The following KHDRBS2 variants were observed in gnomAD, a reference collection of about 807,000 sequenced individuals.
KHDRBS2 encodes the protein KH domain-containing, RNA-binding, signal transduction-associated protein 2.
KHDRBS2 carries 26 observed loss-of-function variants against 44.3 expected under a neutral mutation model. The ratio of observed to expected loss-of-function variants is 0.59; its 90% CI spans 0.43 to 0.81. KHDRBS2 has a LOEUF of 0.81. KHDRBS2 is among the 40% of genes least tolerant of loss of function. KHDRBS2 has a pLI of 0.00. For synonymous variants in KHDRBS2, 194 were observed against 151.1 expected (o/e 1.28, Z -2.08); for missense variants, 476 against 433.1 (o/e 1.10, Z -0.88).
intron 6 of KHDRBS2, among the ~76,000 whole-genome samples, chr6:61,750,121 G>C (rs1255261886): frequency 6.6e-6 from 1 of 152,116 alleles, no homozygotes; most frequent in Non-Finnish European, 1.5e-5. Flanking sequence ...AAAAGCCACA[G>C]CACCAACAAG....
At chr6:62,161,188 G>A (rs1817543235) in intron 2 of KHDRBS2, among the ~76,000 whole-genome samples, 1 of 151,822 alleles carries the variant, frequency 6.6e-6, no homozygotes, top group Non-Finnish European at 1.5e-5. Context: ...TATAATGTGA[G>A]TCTCTTATAA....
chr6:61,757,375 T>C (rs976746628), intron 6 of KHDRBS2, among the ~76,000 whole-genome samples: 2 of 152,200 alleles, frequency 1.3e-5, no homozygotes, highest in African/African-American at 4.8e-5. Context: ...GTTCCAGTTT[T>C]GTCACATACT....
At chr6:61,786,758 T>A (rs1210635925) in intron 6 of KHDRBS2, among the ~76,000 whole-genome samples, 1 of 151,864 alleles carries the variant, frequency 6.6e-6, no homozygotes, top group African/African-American at 2.4e-5. Context: ...TTTTAGTTGG[T>A]TCAAGGAGCA....
At chr6:61,608,929 T>C in the KHDRBS2 span, among the ~76,000 whole-genome samples, 1 of 152,202 alleles carries the variant, frequency 6.6e-6, no homozygotes, top group Non-Finnish European at 1.5e-5. Context: ...AGTAGAATGA[T>C]TTATAATCCT....
intron 4 of KHDRBS2, among the ~76,000 whole-genome samples, chr6:61,962,961 A>G (rs1309462444): frequency 6.6e-6 from 1 of 152,096 alleles, no homozygotes; most frequent in Non-Finnish European, 1.5e-5. Flanking sequence ...GTATGATTAA[A>G]AGGAAATGAG....
intron 2 of KHDRBS2, among the ~76,000 whole-genome samples, chr6:62,049,950 A>G: frequency 6.6e-6 from 1 of 152,084 alleles, no homozygotes; most frequent in South Asian, 2.1e-4. Context: ...GTATATACCC[A>G]AAGATCTACA....
chr6:61,652,261 T>C, the KHDRBS2 span: 1 of 152,090 alleles, frequency 6.6e-6, no homozygotes, highest in African/African-American at 2.4e-5. Flanking sequence ...CTACTTCTGT[T>C]AGGCTCTGTG....
the KHDRBS2 span, among the ~76,000 whole-genome samples, chr6:61,568,116 T>G: frequency 5.3e-5 from 8 of 152,296 alleles, no homozygotes; most frequent in African/African-American, 1.9e-4. Flanking sequence ...TCAGTGTATA[T>G]TTTTGTTGAT....
At chr6:61,954,807 C>T (rs1239856009) in intron 4 of KHDRBS2, among the ~76,000 whole-genome samples, 2 of 88,554 alleles carry the variant, frequency 2.3e-5, no homozygotes, top group African/African-American at 1.0e-4. Context: ...TGTATGTATA[C>T]ATACGCATGT....
At chr6:61,662,886 C>T in the KHDRBS2 span, among the ~76,000 whole-genome samples, 2 of 151,758 alleles carry the variant, frequency 1.3e-5, no homozygotes, top group Non-Finnish European at 1.5e-5. Context: ...TTGACCCAGC[C>T]ATCCCATTAC....
intron 7 of KHDRBS2, among the ~76,000 whole-genome samples, chr6:61,705,625 A>T (rs1300011788): frequency 6.6e-6 from 1 of 151,840 alleles, no homozygotes; most frequent in African/African-American, 2.4e-5. Flanking sequence ...AGACTTAAAA[A>T]ATGGGTAACT....
At chr6:61,954,626 G>A (rs2091229601) in intron 4 of KHDRBS2, among the ~76,000 whole-genome samples, 1 of 134,790 alleles carries the variant, frequency 7.4e-6, no homozygotes, top group African/African-American at 3.0e-5. Context: ...ACATATATAT[G>A]TATATATACA....
chr6:61,691,962 C>T (rs1324754812), intron 8 of KHDRBS2, among the ~76,000 whole-genome samples: 1 of 152,096 alleles, frequency 6.6e-6, no homozygotes, highest in East Asian at 1.9e-4. Flanking sequence ...CAGCTGTCAT[C>T]TAAAATGCCA....
In KHDRBS2 at chr6:62,227,419, T is replaced by C. The variant is rs528643078; in HGVS notation, c.92-50107A>G. Among the ~76,000 whole-genome samples, 69 of 152,318 alleles carry C rather than the reference T, an allele frequency of 4.5e-4. No homozygotes were observed. The South Asian group carries it at 7.0e-3, about 16-fold the overall frequency. ...AGTTGCTTAGCAGCTTAAGGAGTTT[T>C]TGGGCTGAGACGATGGGGTTTTCTA... On this transcript the variant is annotated intron_variant, in intron 1 of 8. Coordinates refer to ENST00000281156, the MANE Select transcript of KHDRBS2 (RefSeq NM_152688.4).
intron 2 of KHDRBS2, among the ~76,000 whole-genome samples, chr6:62,151,666 G>A (rs923317451): frequency 1.3e-5 from 2 of 152,132 alleles, no homozygotes; most frequent in African/African-American, 4.8e-5. Context: ...AACCTGTTAG[G>A]TGGTGAACTG....
intron 1 of KHDRBS2, among the ~76,000 whole-genome samples, chr6:62,262,318 C>T (rs533141090): frequency 5.3e-5 from 8 of 151,860 alleles, no homozygotes; most frequent in South Asian, 2.1e-4. Flanking sequence ...ACTCAGGAAT[C>T]GTGCATTTCC....
intron 4 of KHDRBS2, among the ~76,000 whole-genome samples, chr6:61,902,063 C>T (rs1381176149): frequency 6.6e-6 from 1 of 152,184 alleles, no homozygotes; most frequent in Admixed American, 6.5e-5. Flanking sequence ...TAAAGCAATT[C>T]TCCTATCTCA....
chr6:61,964,407 C>CT (rs1769446455), intron 4 of KHDRBS2, among the ~76,000 whole-genome samples: 1 of 151,980 alleles, frequency 6.6e-6, no homozygotes, highest in South Asian at 2.1e-4. Context: ...TGATTTCTGA[C>CT]TTCAGGGAGC....
At chr6:62,043,366 A>T (rs1786970221) in intron 3 of KHDRBS2, among the ~76,000 whole-genome samples, 2 of 152,118 alleles carry the variant, frequency 1.3e-5, no homozygotes, top group Admixed American at 6.6e-5. Context: ...TGAAGGACTT[A>T]GACTTTAAAG....
Sources: gnomAD v4.1 joint callset for allele counts (sites outside exome capture counted in the v4.1 genomes callset) on GRCh38, gnomAD v4.1.1 for gene constraint, MANE v1.5 for transcripts, NCBI Gene and HGNC (gene_info 2026-07-23, HGNC 2026-07-21) for gene names.